NCOA2: variants seen among roughly 807,000 people sequenced by gnomAD.
NCOA2 encodes nuclear receptor coactivator 2.
Under a neutral mutation model 145.1 loss-of-function variants are expected in NCOA2, and 21 were observed. The ratio of observed to expected loss-of-function variants is 0.14; its 90% CI spans 0.10 to 0.21. The LOEUF (loss-of-function observed/expected upper bound fraction) is 0.21. Among genes scored for constraint, NCOA2 ranks in the 10% least tolerant of loss-of-function variants. The probability of loss-of-function intolerance (pLI) is 1.00; values close to 1 mark genes in which losing one functional copy is unlikely to be tolerated. For missense variants in NCOA2, 1,472 were observed against 1,837.6 expected, an observed-to-expected ratio of 0.80 and a Z score of 3.64; for synonymous variants, 619 against 637.5, an observed-to-expected ratio of 0.97 and a Z score of 0.44.
At chr8:70,236,430 T>C (rs1042497019) in intron 2 of NCOA2, among the ~76,000 whole-genome samples, 1 of 152,126 alleles carries the variant, frequency 6.6e-6, no homozygotes, top group Non-Finnish European at 1.5e-5. Flanking sequence ...TAAATGCACA[T>C]GGTTCCTCAC....
rs1162838276 is a variant in NCOA2 at position 70,250,558 on chromosome 8, A to G, written c.-19-33794T>C. On this transcript the variant is annotated intron_variant, in intron 2 of 22. Transcript: ENST00000452400. The stretch of plus-strand genomic sequence containing the variant: ...GCACTCCAGCCTGGGCATCGGCGAG[A>G]CCCCATTTCAAAAAGAAGGCAAAAA... Among the ~76,000 whole-genome samples, 3 of 152,224 alleles carry G rather than the reference A, an allele frequency of 2.0e-5. 1 individual carries two copies. The highest frequency in any genetic ancestry group is 2.9e-5 in the Non-Finnish European group (2 of 68,012).
At chr8:70,442,116 GAAGAAAGAAAGAAAGAAAGAAAGA>G in the NCOA2 span, among the ~76,000 whole-genome samples, 4,897 of 82,432 alleles carry the variant, frequency 0.059, 287 homozygotes, top group African/African-American at 0.16. Flanking sequence ...GAGAAAGAAA[GAAGAAAGAAAGAAAGAAAGAAAGA>G]AAGAAAGAAA....
intron 2 of NCOA2, among the ~76,000 whole-genome samples, chr8:70,249,914 G>T (rs776174085): frequency 5.3e-4 from 68 of 127,842 alleles, no homozygotes; most frequent in Middle Eastern, 6.5e-3. Flanking sequence ...AGTGAGCCGA[G>T]ATCAGAACAT....
the NCOA2 span, among the ~76,000 whole-genome samples, chr8:70,453,630 C>G: frequency 6.6e-6 from 1 of 152,168 alleles, no homozygotes; most frequent in African/African-American, 2.4e-5. Flanking sequence ...ATAAAATCCC[C>G]TGAAGTCTCA....
chr8:70,403,817 G>A, upstream of NCOA2: 1 of 397,008 alleles, frequency 2.5e-6, no homozygotes, highest in Non-Finnish European at 4.4e-6. Context: ...CTGCCTGGTT[G>A]TTTATTTCAA....
chr8:70,204,439 G>A (rs1397399500), intron 4 of NCOA2, among the ~76,000 whole-genome samples: 1 of 152,160 alleles, frequency 6.6e-6, no homozygotes, highest in Non-Finnish European at 1.5e-5. Context: ...GTTTTATAAA[G>A]ATGTTAATGC....
chr8:70,159,222 T>TTTTA (rs1554578437), intron 10 of NCOA2, among the ~76,000 whole-genome samples: 3 of 44,490 alleles, frequency 6.7e-5, no homozygotes, highest in Admixed American at 3.1e-4. Flanking sequence ...CAGTATAACA[T>TTTTA]TATATATATA....
At chr8:70,150,178 T>G (rs2132064250) in intron 11 of NCOA2, among the ~76,000 whole-genome samples, 1 of 152,320 alleles carries the variant, frequency 6.6e-6, no homozygotes, top group South Asian at 2.1e-4. Context: ...ACAAGACCAT[T>G]TTTTAGCTAG....
chr8:70,254,199 C>G (rs1321119088), intron 2 of NCOA2, among the ~76,000 whole-genome samples: 2 of 152,138 alleles, frequency 1.3e-5, no homozygotes, highest in Non-Finnish European at 2.9e-5. Context: ...AAGATACTAC[C>G]TCACACCCAT....
intron 2 of NCOA2, among the ~76,000 whole-genome samples, chr8:70,218,904 C>G (rs375584834): frequency 6.6e-6 from 1 of 152,106 alleles, no homozygotes; most frequent in South Asian, 2.1e-4. Flanking sequence ...TATTCCCCCC[C>G]TCAAAAGCAA....
intron 1 of NCOA2, among the ~76,000 whole-genome samples, chr8:70,362,547 CA>C (rs1810303043): frequency 6.6e-6 from 1 of 152,082 alleles, no homozygotes; most frequent in Non-Finnish European, 1.5e-5. Flanking sequence ...GATAAGCTCA[CA>C]AAAGCATGCT....
At chr8:70,330,774 G>A (rs72663978) in intron 1 of NCOA2, among the ~76,000 whole-genome samples, 11 of 152,240 alleles carry the variant, frequency 7.2e-5, no homozygotes, top group South Asian at 6.2e-4. Flanking sequence ...AAAAAGACAG[G>A]TTATGCTTAC....
chr8:70,138,948 G>C (rs1160781212), intron 14 of NCOA2, among the ~76,000 whole-genome samples: 1 of 152,250 alleles, frequency 6.6e-6, no homozygotes, highest in Non-Finnish European at 1.5e-5. Context: ...AGTGTTTTAG[G>C]ATTAGTATGA....
chr8:70,436,849 C>G, the NCOA2 span, among the ~76,000 whole-genome samples: 2 of 152,192 alleles, frequency 1.3e-5, no homozygotes, highest in African/African-American at 4.8e-5. Flanking sequence ...GTATGACCAC[C>G]GTTATCTGAA....
intron 2 of NCOA2, among the ~76,000 whole-genome samples, chr8:70,259,212 CCT>C (rs1823904106): frequency 6.6e-6 from 1 of 152,150 alleles, no homozygotes; most frequent in African/African-American, 2.4e-5. Context: ...GAGACCTTCC[CCT>C]CTCTCTCAAT....
chr8:70,383,144 G>C (rs549569776), intron 1 of NCOA2, among the ~76,000 whole-genome samples: 1 of 152,190 alleles, frequency 6.6e-6, no homozygotes, highest in South Asian at 2.1e-4. Flanking sequence ...ACACAGGTAC[G>C]CGCTTCCAGA....
chr8:70,136,434 G>T (rs1047071781), intron 15 of NCOA2, among the ~76,000 whole-genome samples: 1 of 152,036 alleles, frequency 6.6e-6, no homozygotes, highest in East Asian at 1.9e-4. Flanking sequence ...ATGAAAGACA[G>T]CTATTGTATT....
At chr8:70,348,397 A>C (rs944024549) in intron 1 of NCOA2, among the ~76,000 whole-genome samples, 8 of 152,226 alleles carry the variant, frequency 5.3e-5, no homozygotes, top group African/African-American at 1.9e-4. Flanking sequence ...AAAGCTAAAG[A>C]GTTTGTTCTT....
At chr8:70,444,128 A>G in the NCOA2 span, among the ~76,000 whole-genome samples, 1 of 152,230 alleles carries the variant, frequency 6.6e-6, no homozygotes, top group Admixed American at 6.5e-5. Context: ...ATGTCCTTCA[A>G]TGGGTGAATA....
Sources: allele counts gnomAD v4.1 joint callset (sites outside exome capture counted in the v4.1 genomes callset), GRCh38; gene constraint gnomAD v4.1.1; transcripts MANE v1.5; gene names NCBI Gene and HGNC (gene_info 2026-07-23, HGNC 2026-07-21).